The following DLGAP1 variants were observed in gnomAD, a reference collection of about 807,000 sequenced individuals.
DLGAP1 encodes disks large-associated protein 1.
A neutral mutation model predicts 90.8 loss-of-function variants in DLGAP1; 11 were observed. The ratio of observed to expected loss-of-function variants is 0.12; its 90% CI spans 0.08 to 0.20. The LOEUF (loss-of-function observed/expected upper bound fraction) is 0.20, where lower values mean the gene tolerates loss of function less well. DLGAP1 is among the 10% of genes least tolerant of loss of function. DLGAP1 has a pLI of 1.00. For missense variants in DLGAP1, 1,050 were observed against 1,333.8 expected, an observed-to-expected ratio of 0.79 and a Z score of 3.31; for synonymous variants, 558 against 540.7, an observed-to-expected ratio of 1.03 and a Z score of -0.44.
At chr18:3,689,101 G>T (rs564063916) in intron 7 of DLGAP1, among the ~76,000 whole-genome samples, 1 of 152,194 alleles carries the variant, frequency 6.6e-6, no homozygotes, top group Non-Finnish European at 1.5e-5. Context: ...GCACACTAAA[G>T]CACTGAATGA....
At chr18:3,906,836 C>T (rs376045212) in intron 3 of DLGAP1, among the ~76,000 whole-genome samples, 3 of 152,212 alleles carry the variant, frequency 2.0e-5, no homozygotes, top group East Asian at 1.9e-4. Context: ...GTGTGGTTTA[C>T]GCAAGAAAGA....
intron 1 of DLGAP1, among the ~76,000 whole-genome samples, chr18:4,250,597 C>T (rs1307580618): frequency 6.6e-6 from 1 of 152,176 alleles, no homozygotes; most frequent in Non-Finnish European, 1.5e-5. Context: ...TGTACCTTCT[C>T]ATGCCTGTCA....
rs67286288 is a variant in DLGAP1, at chr18:4,367,004, CAAAA to C, written c.-267+87998_-267+88001del. Among the ~76,000 whole-genome samples the C allele has an allele frequency of 4.6e-3, 282 of 60,728 alleles. 1 individual carries two copies. Among genetic ancestry groups the C allele is most frequent in the East Asian group, 0.028 (42 of 1,504 alleles). The allele number at this position is 60,728 out of a possible 152,430, so 39.8% of individuals were successfully genotyped here. On this transcript the variant is annotated intron_variant, in intron 1 of 12. Transcript: ENST00000315677. Reference sequence around the variant, plus strand: ...ATCCAGTATACGGCTCTGTCAATGGCAAAAAAAAAAAAAAAAAAAAAAAAAATCT... The same window carrying C: ...ATCCAGTATACGGCTCTGTCAATGGCAAAAAAAAAAAAAAAAAAAAAATCT...
At position 4,378,092 on chromosome 18, in the gene DLGAP1, TTCTAATATATAACATATA is replaced by T. The variant is rs1283721555; in HGVS notation, c.-267+76896_-267+76913del. Among the ~76,000 whole-genome samples, 1 of 148,582 alleles carries T rather than the reference TTCTAATATATAACATATA, an allele frequency of 6.7e-6. No individual in the cohort carries two copies. Among genetic ancestry groups the T allele is most frequent in the East Asian group, 1.9e-4 (1 of 5,148 alleles). ...TATATATATCACTTTTCAATCTTTT[TTCTAATATATAACATATA>T]TTAGAAATATTGTATATAAAATTTA... On this transcript the variant is annotated intron_variant, in intron 1 of 12. Transcript: ENST00000315677. The surrounding 1 kb of genome is among the most constrained non-coding windows in gnomAD (Gnocchi z 4.5).
At chr18:4,236,849 T>TC (rs1428071777) in intron 1 of DLGAP1, among the ~76,000 whole-genome samples, 1 of 152,194 alleles carries the variant, frequency 6.6e-6, no homozygotes, top group African/African-American at 2.4e-5. Flanking sequence ...CTATTCTTAT[T>TC]CCTTCATTTT....
chr18:4,191,793 A>ATC (rs1296345309), intron 1 of DLGAP1, among the ~76,000 whole-genome samples: 1 of 152,172 alleles, frequency 6.6e-6, no homozygotes, highest in African/African-American at 2.4e-5. Flanking sequence ...GATGCGGTGC[A>ATC]TCCTCTAGAG....
intron 7 of DLGAP1, among the ~76,000 whole-genome samples, chr18:3,641,537 CAA>C (rs576340963): frequency 0.23 from 14,760 of 62,816 alleles, 1,030 homozygotes; most frequent in African/African-American, 0.37. Context: ...AACTCCGTCT[CAA>C]AAAAAAAAAA....
chr18:3,989,857 A>G (rs1257426076), intron 3 of DLGAP1, among the ~76,000 whole-genome samples: 1 of 152,250 alleles, frequency 6.6e-6, no homozygotes, highest in Admixed American at 6.5e-5. Context: ...GAAGACATTT[A>G]TGCAGCCAAA....
chr18:3,979,413 C>T (rs1024601169), intron 3 of DLGAP1, among the ~76,000 whole-genome samples: 3 of 151,360 alleles, frequency 2.0e-5, no homozygotes, highest in Non-Finnish European at 4.4e-5. Flanking sequence ...AATGTTCACT[C>T]AGTGTTTTCG....
In DLGAP1 at chr18:4,200,701, T is replaced by C. The variant is rs375922213; in HGVS notation, c.-266-49414A>G. The stretch of plus-strand genomic sequence containing the variant: ...ATTAGGGTGATACTAAGCACCATTA[T>C]CATACATTTATTTTAAGACAAATGC... On this transcript the variant is annotated intron_variant, in intron 1 of 12. Transcript: ENST00000315677. Among the ~76,000 whole-genome samples, 5 of 152,230 alleles carry C rather than the reference T, an allele frequency of 3.3e-5. No individual in the cohort carries two copies. In the East Asian group the frequency reaches 5.8e-4, roughly 18 times the overall value.
At chr18:3,583,316 A>T (rs542428) in intron 7 of DLGAP1, among the ~76,000 whole-genome samples, 150,360 of 151,134 alleles carry the variant, frequency 0.99, 74,801 homozygotes, top group Middle Eastern at 1. Flanking sequence ...TTCTCTGTCT[A>T]CCTGTCTTGT....
At chr18:4,061,983 G>T (rs2075304975) in intron 2 of DLGAP1, among the ~76,000 whole-genome samples, 1 of 152,086 alleles carries the variant, frequency 6.6e-6, no homozygotes, top group Admixed American at 6.5e-5. Flanking sequence ...GGAGAGGAAA[G>T]AACTTCTATC....
chr18:3,693,796 G>A (rs1002924277), intron 7 of DLGAP1, among the ~76,000 whole-genome samples: 2 of 152,214 alleles, frequency 1.3e-5, no homozygotes, highest in Non-Finnish European at 2.9e-5. Context: ...GCTGCTAGAG[G>A]AGCATTTAGT....
chr18:3,857,973 C>T (rs1049656640), intron 4 of DLGAP1, among the ~76,000 whole-genome samples: 4 of 152,068 alleles, frequency 2.6e-5, no homozygotes, highest in East Asian at 1.9e-4. Flanking sequence ...TGCTTCAATC[C>T]TATTCCAAAC....
At chr18:3,609,860 C>A (rs1466825461) in intron 7 of DLGAP1, among the ~76,000 whole-genome samples, 2 of 151,354 alleles carry the variant, frequency 1.3e-5, no homozygotes, top group Non-Finnish European at 2.9e-5. Context: ...AAGTTCAAGA[C>A]CAGCCTGGCC....
chr18:3,647,290 CTATA>C (rs1487262988), intron 7 of DLGAP1, among the ~76,000 whole-genome samples: 3 of 144,288 alleles, frequency 2.1e-5, no homozygotes, highest in East Asian at 3.9e-4. Flanking sequence ...ATATACATGT[CTATA>C]TATATAATAA....
chr18:4,098,338 T>C (rs2075718747), intron 2 of DLGAP1, among the ~76,000 whole-genome samples: 1 of 152,222 alleles, frequency 6.6e-6, no homozygotes. Flanking sequence ...GTTAAATGTC[T>C]TCACAGAATA....
At chr18:3,714,539 T>C (rs1305344975) in intron 7 of DLGAP1, among the ~76,000 whole-genome samples, 3 of 152,194 alleles carry the variant, frequency 2.0e-5, no homozygotes, top group Non-Finnish European at 4.4e-5. Flanking sequence ...AAATCAGCTT[T>C]GGTTTGCTCA....
At chr18:4,069,702 C>T (rs964220434) in intron 2 of DLGAP1, among the ~76,000 whole-genome samples, 5 of 152,134 alleles carry the variant, frequency 3.3e-5, no homozygotes, top group East Asian at 3.9e-4. Flanking sequence ...GCCAGCATCA[C>T]GCTTCCCATA....
Sources: gnomAD v4.1 joint callset for allele counts (sites outside exome capture counted in the v4.1 genomes callset) on GRCh38, gnomAD v4.1.1 for gene constraint, Gnocchi (gnomAD v3.1) non-coding constraint, MANE v1.5 for transcripts, NCBI Gene and HGNC (gene_info 2026-07-23, HGNC 2026-07-21) for gene names.